Variants in KCNMA1 observed in about 807,000 individuals in gnomAD.
KCNMA1 encodes Calcium-activated potassium channel subunit alpha-1.
In KCNMA1, 29 loss-of-function variants were observed where a neutral mutation model predicts 140.0. That is an observed-to-expected ratio of 0.21 (90% CI 0.15 to 0.28). The LOEUF (loss-of-function observed/expected upper bound fraction) is 0.28, where lower values mean the gene tolerates loss of function less well. Among genes scored for constraint, KCNMA1 ranks in the 10% least tolerant of loss-of-function variants. The probability of loss-of-function intolerance (pLI) is 1.00; values close to 1 mark genes in which losing one functional copy is unlikely to be tolerated. For missense variants in KCNMA1, 880 were observed against 1,602.2 expected (o/e 0.55, Z 7.70); for synonymous variants, 612 against 611.9 (o/e 1.00, Z 0.00).
intron 3 of KCNMA1, among the ~76,000 whole-genome samples, chr10:77,226,421 CT>C (rs2051425693): frequency 2.0e-5 from 3 of 151,892 alleles, no homozygotes; most frequent in East Asian, 3.9e-4. Flanking sequence ...GACGACATTC[CT>C]GTCTCTTTCT....
chr10:77,158,110 A>G lies in KCNMA1; in HGVS notation c.808+25311T>C, dbSNP rs1419885388. On this transcript the variant is annotated intron_variant, in intron 5 of 27. Coordinates refer to ENST00000286628, the MANE Select transcript of KCNMA1 (RefSeq NM_001161352.2). ...GGAAAATAATCAGGAATAAGTGGAA[A>G]GACAGAAATGAAACTGAACAAAAGA... 7.9e-5 allele frequency among the ~76,000 whole-genome samples: 12 copies of G among 152,246 alleles called. No homozygotes were observed. The East Asian group carries it at 2.3e-3, about 29-fold the overall frequency.
intron 20 of KCNMA1, among the ~76,000 whole-genome samples, chr10:76,956,134 GTA>G (rs2068185533): frequency 1.3e-5 from 2 of 152,158 alleles, no homozygotes; most frequent in South Asian, 4.1e-4. Flanking sequence ...TTTTGGTTTG[GTA>G]TACTTGATTC....
intron 23 of KCNMA1, among the ~76,000 whole-genome samples, chr10:76,941,086 AGAAAGAAAGAAAGAAGGG>A (rs1158378362): frequency 9.8e-5 from 5 of 50,978 alleles, no homozygotes; most frequent in African/African-American, 3.0e-4. Context: ...AGAAAGAAAG[AGAAAGAAAGAAAGAAGGG>A]AGGGAGGGAG....
At chr10:77,224,763 CTTAG>C (rs2050774343) in intron 3 of KCNMA1, among the ~76,000 whole-genome samples, 1 of 152,176 alleles carries the variant, frequency 6.6e-6, no homozygotes, top group African/African-American at 2.4e-5. Context: ...GTGGGAGCTA[CTTAG>C]TTAATCTGCA....
intron 1 of KCNMA1, among the ~76,000 whole-genome samples, chr10:77,621,972 A>G (rs2091519467): frequency 6.6e-6 from 1 of 151,980 alleles, no homozygotes; most frequent in Non-Finnish European, 1.5e-5. Context: ...GCCTCCACAT[A>G]CCCCCCAGCA....
At position 76,919,982 on chromosome 10, in the gene KCNMA1, T is replaced by TTGTGTG. The variant is rs1196371060; in HGVS notation, c.2903-4939_2903-4934dup. On this transcript the variant is annotated intron_variant, in intron 23 of 27. Coordinates refer to ENST00000286628, the MANE Select transcript of KCNMA1 (RefSeq NM_001161352.2). Reference sequence around the variant, plus strand: ...AATACTAATGAGAAGGCAATGAGCATTGTGTGTGTGTGTGTGTGTGTGTGT... The same window carrying TTGTGTG: ...AATACTAATGAGAAGGCAATGAGCATTGTGTGTGTGTGTGTGTGTGTGTGTGTGTGT... Among the ~76,000 whole-genome samples, 83 of 77,604 alleles carry TTGTGTG rather than the reference T, an allele frequency of 1.1e-3. 3 individuals carry two copies. Among genetic ancestry groups the TTGTGTG allele is most frequent in the East Asian group, 4.4e-3 (8 of 1,816 alleles). 50.9% of individuals were successfully genotyped at this position (77,604 alleles called of 152,430 possible).
At position 77,152,278 on chromosome 10, in the gene KCNMA1, T is replaced by TTGTGTGTGTGTGTGTGTGTGTGTGTGTG. The variant is rs72088425; in HGVS notation, c.808+31115_808+31142dup. On this transcript the variant is annotated intron_variant, in intron 5 of 27. Transcript: ENST00000286628. The stretch of plus-strand genomic sequence containing the variant: ...TGGAGACTCTTCTGTTTTTTTGCTT[T>TTGTGTGTGTGTGTGTGTGTGTGTGTGTG]TGTGTGTGTGTGTGTGTGTGTGTGT... Among the ~76,000 whole-genome samples, 512 of 99,114 alleles carry TTGTGTGTGTGTGTGTGTGTGTGTGTGTG rather than the reference T, an allele frequency of 5.2e-3. 4 individuals are homozygous for TTGTGTGTGTGTGTGTGTGTGTGTGTGTG. The highest frequency in any genetic ancestry group is 0.016 in the African/African-American group (453 of 28,748). 65.0% of individuals were successfully genotyped at this position (99,114 alleles called of 152,430 possible). A position where few individuals can be genotyped will look rare whatever the true frequency, so the allele number is the denominator to read the frequency against.
rs1292829621 is a variant in KCNMA1, at chr10:77,243,673, A to C, written c.602+7522T>G. Among the ~76,000 whole-genome samples the C allele has an allele frequency of 8.5e-5, 13 of 152,212 alleles. No individual in the cohort carries two copies. In the East Asian group the frequency reaches 2.5e-3, roughly 29 times the overall value. On this transcript the variant is annotated intron_variant, in intron 3 of 27. Coordinates refer to ENST00000286628, the MANE Select transcript of KCNMA1 (RefSeq NM_001161352.2). ...GTTTCCACAGGGGAAACAAGTGAGC[A>C]ATTGGGCAAAATGTCCTCAAAAGTT...
chr10:77,142,303 G>A (rs1406257460), intron 5 of KCNMA1, among the ~76,000 whole-genome samples: 1 of 151,506 alleles, frequency 6.6e-6, no homozygotes, highest in African/African-American at 2.4e-5. Flanking sequence ...CCTGGGAGGT[G>A]GAGCTTGCAG....
At chr10:76,871,334 A>G (rs1286964320) in exon 28 of KCNMA1, 1 of 152,558 alleles carries the variant, frequency 6.6e-6, no homozygotes, top group Non-Finnish European at 1.5e-5. Flanking sequence ...TTGTTTTCCT[A>G]TTCCTCCACA....
chr10:77,089,740 C>G (rs532950226), intron 10 of KCNMA1, among the ~76,000 whole-genome samples: 16 of 152,356 alleles, frequency 1.1e-4, no homozygotes, highest in African/African-American at 3.6e-4. Context: ...GTAGGAACTA[C>G]TATCATCTCC....
At chr10:77,556,357 T>C (rs2064385577) in intron 1 of KCNMA1, among the ~76,000 whole-genome samples, 1 of 151,410 alleles carries the variant, frequency 6.6e-6, no homozygotes, top group Admixed American at 6.6e-5. Flanking sequence ...ATACAAAAAC[T>C]AGCCAGGCAT....
intron 2 of KCNMA1, among the ~76,000 whole-genome samples, chr10:77,283,887 A>G (rs941939004): frequency 6.6e-6 from 1 of 152,234 alleles, no homozygotes; most frequent in Non-Finnish European, 1.5e-5. Flanking sequence ...AGCTGCTCAC[A>G]AAAGATCAAG....
intron 5 of KCNMA1, among the ~76,000 whole-genome samples, chr10:77,177,285 CCTT>C (rs1258800850): frequency 6.6e-6 from 1 of 150,752 alleles, no homozygotes; most frequent in African/African-American, 2.4e-5. Context: ...TTTCTTCCTT[CCTT>C]CTTTCCTTCC....
intron 5 of KCNMA1, among the ~76,000 whole-genome samples, chr10:77,156,227 TAAAA>T (rs58950492): frequency 0.16 from 19,333 of 119,366 alleles, 2,051 homozygotes; most frequent in Non-Finnish European, 0.23. Flanking sequence ...GACTCCATCT[TAAAA>T]AAAAAAAAAA....
At chr10:77,388,630 T>C (rs2095699756) in intron 2 of KCNMA1, among the ~76,000 whole-genome samples, 3 of 152,222 alleles carry the variant, frequency 2.0e-5, no homozygotes, top group Admixed American at 2.0e-4. Context: ...TTTGCATCTC[T>C]AAAATATACC....
intron 1 of KCNMA1, among the ~76,000 whole-genome samples, chr10:77,537,541 C>A (rs1378739741): frequency 6.6e-6 from 1 of 152,196 alleles, no homozygotes. Context: ...CCCCCCATGA[C>A]TGCAGAAAAA....
intron 5 of KCNMA1, among the ~76,000 whole-genome samples, chr10:77,176,195 G>A (rs76772587): frequency 0.026 from 3,943 of 152,218 alleles, 180 homozygotes; most frequent in African/African-American, 0.09. Flanking sequence ...GTGGTGTGCT[G>A]ACCCCATCCA....
intron 1 of KCNMA1, among the ~76,000 whole-genome samples, chr10:77,516,696 C>A (rs1048763734): frequency 6.6e-6 from 1 of 152,258 alleles, no homozygotes; most frequent in Non-Finnish European, 1.5e-5. Flanking sequence ...ACCTGCAGAA[C>A]TTTCCACTTC....
Sources: allele counts gnomAD v4.1 joint callset (sites outside exome capture counted in the v4.1 genomes callset), GRCh38; gene constraint gnomAD v4.1.1; transcripts MANE v1.5; gene names NCBI Gene and HGNC (gene_info 2026-07-23, HGNC 2026-07-21).